CDH8: variants seen among roughly 807,000 people sequenced by gnomAD.
CDH8 encodes the protein cadherin 8.
A neutral mutation model predicts 68.1 loss-of-function variants in CDH8; 17 were observed. That is an observed-to-expected ratio of 0.25 (90% confidence interval 0.17 to 0.37). CDH8 has a LOEUF of 0.37. Among genes scored for constraint, CDH8 ranks in the 10% least tolerant of loss-of-function variants. CDH8 has a pLI of 1.00. For synonymous variants in CDH8, 372 were observed against 365.1 expected (o/e 1.02, Z -0.21); for missense variants, 763 against 999.3 (o/e 0.76, Z 3.19).
At position 61,671,705 on chromosome 16, in the gene CDH8, C is replaced by T. The variant is rs116809306; in HGVS notation, c.1655-15984G>A. 6.7e-3 allele frequency among the ~76,000 whole-genome samples: 1,015 copies of T among 152,076 alleles called. 13 individuals carry two copies. Among genetic ancestry groups the T allele is most frequent in the African/African-American group, 0.023 (959 of 41,504 alleles). On this transcript the variant is annotated intron_variant, in intron 10 of 11. Transcript: ENST00000577390. ...ATCATTCCTCCCAGGTTGCTGAGAA[C>T]GGCATGTGCTTTTGAATCTTAAAAT...
chr16:61,969,774 G>A (rs1965309440), intron 2 of CDH8, among the ~76,000 whole-genome samples: 1 of 152,150 alleles, frequency 6.6e-6, no homozygotes, highest in African/African-American at 2.4e-5. Context: ...TATGGAAGTA[G>A]TTCCCAGGAC....
At position 61,652,605 on chromosome 16, in the gene CDH8, A is replaced by C; in HGVS notation, c.*1003T>G. The C allele has an allele frequency of 9.7e-7, 1 of 1,027,764 alleles. No homozygotes were observed. Among genetic ancestry groups the C allele is most frequent in the Non-Finnish European group, 1.2e-6 (1 of 827,284 alleles). The allele number at this position is 1,027,764 out of a possible 1,614,324, so 63.7% of individuals were successfully genotyped here. A position where few individuals can be genotyped will look rare whatever the true frequency, so the allele number is the denominator to read the frequency against. On this transcript the variant is annotated 3_prime_UTR_variant, in exon 12 of 12. Transcript: ENST00000577390. Reference sequence around the variant, plus strand: ...TTGCCTGCCATACTCATCTCATCAAAATGTACATGTATTAAACATTCATTG... The same window carrying C: ...TTGCCTGCCATACTCATCTCATCAACATGTACATGTATTAAACATTCATTG...
At chr16:61,709,875 A>G (rs1964600322) in intron 10 of CDH8, among the ~76,000 whole-genome samples, 1 of 152,120 alleles carries the variant, frequency 6.6e-6, no homozygotes, top group South Asian at 2.1e-4. Flanking sequence ...TTAGAATGCA[A>G]TACATTGCAG....
At chr16:61,827,598 C>T (rs907083000) in intron 4 of CDH8, among the ~76,000 whole-genome samples, 4 of 151,812 alleles carry the variant, frequency 2.6e-5, no homozygotes, top group African/African-American at 9.7e-5. Context: ...GAAATAACAC[C>T]TTTGGGTTAG....
intron 4 of CDH8, among the ~76,000 whole-genome samples, chr16:61,851,735 G>A (rs1416900427): frequency 2.6e-5 from 4 of 151,918 alleles, no homozygotes; most frequent in Admixed American, 2.0e-4. Flanking sequence ...CTATTCACAA[G>A]AATGACAATT....
At chr16:61,850,434 G>C (rs1962913825) in intron 4 of CDH8, among the ~76,000 whole-genome samples, 1 of 151,626 alleles carries the variant, frequency 6.6e-6, no homozygotes, top group South Asian at 2.1e-4. Context: ...ATTAGGAGAG[G>C]ACAAAAAATA....
intron 2 of CDH8, among the ~76,000 whole-genome samples, chr16:61,945,622 G>A (rs927121572): frequency 1.3e-5 from 2 of 152,172 alleles, no homozygotes; most frequent in African/African-American, 4.8e-5. Flanking sequence ...GAGAAGAGCA[G>A]ACGGTTGAGG....
chr16:62,023,680 C>G (rs1456138944), intron 1 of CDH8, among the ~76,000 whole-genome samples: 1 of 152,060 alleles, frequency 6.6e-6, no homozygotes, highest in Non-Finnish European at 1.5e-5. Flanking sequence ...GAGGGTGTCA[C>G]AAAGTTACGC....
chr16:61,647,954 A>T lies in CDH8; in HGVS notation c.*5654T>A. The T allele has an allele frequency of 1.5e-6, 1 of 662,230 alleles. No homozygotes were observed. The highest frequency in any genetic ancestry group is 2.7e-6 in the Non-Finnish European group (1 of 365,504). 41.0% of individuals were successfully genotyped at this position (662,230 alleles called of 1,614,324 possible). ...GATACTTGCAAGAAATAATACTTGC[A>T]TTCAAGATGTGAATTAGATGGTGGC... On this transcript the variant is annotated 3_prime_UTR_variant, in exon 12 of 12. Transcript: ENST00000577390.
intron 2 of CDH8, among the ~76,000 whole-genome samples, chr16:61,918,011 G>A (rs1374521251): frequency 7.8e-6 from 1 of 127,684 alleles, no homozygotes; most frequent in African/African-American, 2.9e-5. Context: ...TTGTACTGAT[G>A]TACATGTAAT....
At chr16:61,939,883 C>T (rs1049101225) in intron 2 of CDH8, among the ~76,000 whole-genome samples, 1 of 152,136 alleles carries the variant, frequency 6.6e-6, no homozygotes, top group Non-Finnish European at 1.5e-5. Flanking sequence ...GAAGCTGAGA[C>T]TCAAAGAATG....
At chr16:61,662,104 T>G (rs1963574773) in intron 10 of CDH8, among the ~76,000 whole-genome samples, 1 of 132,962 alleles carries the variant, frequency 7.5e-6, no homozygotes, top group Non-Finnish European at 1.6e-5. Flanking sequence ...TTTTTTTTTT[T>G]GGTTAATTTG....
At chr16:61,832,215 T>C (rs1962469832) in intron 4 of CDH8, among the ~76,000 whole-genome samples, 1 of 151,634 alleles carries the variant, frequency 6.6e-6, no homozygotes, top group African/African-American at 2.4e-5. Context: ...GATAAACACA[T>C]TAGAAAATAA....
intron 2 of CDH8, among the ~76,000 whole-genome samples, chr16:61,930,316 T>C (rs79375831): frequency 0.013 from 1,949 of 150,338 alleles, 40 homozygotes; most frequent in African/African-American, 0.043. Flanking sequence ...CCCCTATGTA[T>C]ACGCAGGCAT....
intron 2 of CDH8, among the ~76,000 whole-genome samples, chr16:61,981,444 A>T (rs1965526634): frequency 6.6e-6 from 1 of 152,158 alleles, no homozygotes; most frequent in Admixed American, 6.5e-5. Flanking sequence ...GTAGGAATCT[A>T]AAGCTGAACA....
intron 3 of CDH8, among the ~76,000 whole-genome samples, chr16:61,867,595 T>C (rs565888526): frequency 6.6e-6 from 1 of 152,280 alleles, no homozygotes; most frequent in East Asian, 1.9e-4. Context: ...TGAATTTGAC[T>C]AATCAGTTTG....
intron 3 of CDH8, among the ~76,000 whole-genome samples, chr16:61,893,057 T>C (rs1471872666): frequency 3.9e-5 from 6 of 152,124 alleles, no homozygotes; most frequent in Admixed American, 6.6e-5. Flanking sequence ...CTCAGAAGTC[T>C]GGAGTCCAAA....
At chr16:61,952,292 G>A (rs1198326428) in intron 2 of CDH8, among the ~76,000 whole-genome samples, 1 of 152,106 alleles carries the variant, frequency 6.6e-6, no homozygotes. Flanking sequence ...AATATATTTT[G>A]AGCTCCCTTA....
At chr16:61,984,979 T>G (rs1487824733) in intron 2 of CDH8, among the ~76,000 whole-genome samples, 1 of 152,218 alleles carries the variant, frequency 6.6e-6, no homozygotes, top group African/African-American at 2.4e-5. Context: ...ATGGTCTTTT[T>G]GGGGCCTTTT....
Sources: allele counts gnomAD v4.1 joint callset (sites outside exome capture counted in the v4.1 genomes callset), GRCh38; gene constraint gnomAD v4.1.1; transcripts MANE v1.5; gene names NCBI Gene and HGNC (gene_info 2026-07-23, HGNC 2026-07-21).